FHIT: variants seen among roughly 807,000 people sequenced by gnomAD.
The protein encoded by FHIT is fragile histidine triad diadenosine triphosphatase, also known as bis(5'-adenosyl)-triphosphatase.
In FHIT, 19 loss-of-function variants were observed where a neutral mutation model predicts 17.9. The ratio of observed to expected loss-of-function variants is 1.06; its 90% CI spans 0.74 to 1.56. The LOEUF (loss-of-function observed/expected upper bound fraction) is 1.56, where lower values mean the gene tolerates loss of function less well. FHIT is among the 40% of genes most tolerant of loss of function. The probability of loss-of-function intolerance (pLI) is 0.00; values close to 1 mark genes in which losing one functional copy is unlikely to be tolerated. For missense variants in FHIT, 248 were observed against 189.2 expected, an observed-to-expected ratio of 1.31 and a Z score of -1.82; for synonymous variants, 81 against 69.7, an observed-to-expected ratio of 1.16 and a Z score of -0.81.
intron 3 of FHIT, among the ~76,000 whole-genome samples, chr3:60,896,707 C>T (rs1281529963): frequency 4.6e-5 from 7 of 152,156 alleles, no homozygotes. Flanking sequence ...TTCAAAATAA[C>T]TTGAATCAGT....
At chr3:61,064,939 C>G (rs9861400) in intron 2 of FHIT, among the ~76,000 whole-genome samples, 83,431 of 151,968 alleles carry the variant, frequency 0.55, 24,020 homozygotes, top group Non-Finnish European at 0.65. Flanking sequence ...ATCCAACATC[C>G]CAAGCTCATT....
At chr3:61,053,109 C>T (rs970569857) in intron 2 of FHIT, among the ~76,000 whole-genome samples, 4 of 152,126 alleles carry the variant, frequency 2.6e-5, no homozygotes, top group African/African-American at 9.7e-5. Flanking sequence ...GCCCCCGCCT[C>T]CCATCCACTG....
At chr3:60,078,504 T>C (rs908023108) in intron 5 of FHIT, among the ~76,000 whole-genome samples, 3 of 152,104 alleles carry the variant, frequency 2.0e-5, no homozygotes, top group African/African-American at 7.2e-5. Flanking sequence ...TGGGGAATTG[T>C]TTGAGATTAA....
At chr3:59,921,346 G>A (rs556154173) in intron 8 of FHIT, among the ~76,000 whole-genome samples, 2 of 152,272 alleles carry the variant, frequency 1.3e-5, no homozygotes, top group East Asian at 3.9e-4. Context: ...CTGGAAACAA[G>A]GTAGAGATAA....
intron 5 of FHIT, among the ~76,000 whole-genome samples, chr3:60,487,576 T>C (rs1417178585): frequency 6.6e-6 from 1 of 152,184 alleles, no homozygotes; most frequent in Non-Finnish European, 1.5e-5. Flanking sequence ...TACAGTTATG[T>C]ATACTTCAAC....
chr3:60,147,214 A>G (rs1700278095), intron 5 of FHIT, among the ~76,000 whole-genome samples: 1 of 152,202 alleles, frequency 6.6e-6, no homozygotes, highest in Non-Finnish European at 1.5e-5. Context: ...AAAGCTTTCC[A>G]AAACCTCTTT....
intron 7 of FHIT, among the ~76,000 whole-genome samples, chr3:60,008,932 G>C (rs1192242377): frequency 6.6e-6 from 1 of 152,088 alleles, no homozygotes; most frequent in Non-Finnish European, 1.5e-5. Flanking sequence ...TATCTATCAC[G>C]GGATGTGCTT....
At chr3:60,317,710 T>TC (rs1709228327) in intron 5 of FHIT, among the ~76,000 whole-genome samples, 2 of 149,706 alleles carry the variant, frequency 1.3e-5, no homozygotes, top group South Asian at 4.2e-4. Flanking sequence ...GGAGAGACTG[T>TC]CAAAGCTTCA....
Position 60,037,914 on chromosome 3 carries a change from G to T in FHIT, c.104-23762C>A, listed in dbSNP as rs182060956. On this transcript the variant is annotated intron_variant, in intron 5 of 9. Transcript: ENST00000492590. Reference sequence around the variant, plus strand: ...ATTTTAGTAGAGACAGGGTTTCATTGTATTGCCCAGGCTGGTCTTGAACTC... The same window carrying T: ...ATTTTAGTAGAGACAGGGTTTCATTTTATTGCCCAGGCTGGTCTTGAACTC... Among the ~76,000 whole-genome samples the T allele has an allele frequency of 2.6e-5, 4 of 151,908 alleles. No homozygotes were observed. The East Asian group carries it at 7.8e-4, about 30-fold the overall frequency.
chr3:60,173,909 A>T lies in FHIT; in HGVS notation c.104-159757T>A, dbSNP rs1323769939. Among the ~76,000 whole-genome samples, 373 of 69,754 alleles carry T rather than the reference A, an allele frequency of 5.3e-3. 21 individuals are homozygous for T. The highest frequency in any genetic ancestry group is 0.024 in the East Asian group (28 of 1,144). The allele number at this position is 69,754 out of a possible 152,430, so 45.8% of individuals were successfully genotyped here. A position where few individuals can be genotyped will look rare whatever the true frequency, so the allele number is the denominator to read the frequency against. ...AATATATATATATATATATATATATATATATATGTTTTTTTTTTTTTTTGA... is the reference window on the plus strand; with the variant it reads ...AATATATATATATATATATATATATTTATATATGTTTTTTTTTTTTTTTGA... On this transcript the variant is annotated intron_variant, in intron 5 of 9. Transcript: ENST00000492590.
chr3:60,479,392 T>A (rs2033501327), intron 5 of FHIT, among the ~76,000 whole-genome samples: 1 of 152,174 alleles, frequency 6.6e-6, no homozygotes, highest in Admixed American at 6.5e-5. Context: ...ATGCACCACG[T>A]AATGACATTT....
intron 5 of FHIT, among the ~76,000 whole-genome samples, chr3:60,074,886 C>G (rs533868673): frequency 6.6e-6 from 1 of 152,126 alleles, no homozygotes; most frequent in South Asian, 2.1e-4. Context: ...GGTTTAATTA[C>G]CAAGTGAATC....
chr3:60,660,046 C>G (rs1018596725), intron 4 of FHIT, among the ~76,000 whole-genome samples: 1 of 152,042 alleles, frequency 6.6e-6, no homozygotes, highest in African/African-American at 2.4e-5. Context: ...TAGGTATGAG[C>G]GGTGACTTTC....
At chr3:61,070,077 A>T (rs1004569975) in intron 2 of FHIT, among the ~76,000 whole-genome samples, 3 of 152,096 alleles carry the variant, frequency 2.0e-5, no homozygotes, top group African/African-American at 7.2e-5. Context: ...TATTTTTAGT[A>T]GAGACGGGGT....
At chr3:60,171,086 C>G (rs987264198) in intron 5 of FHIT, among the ~76,000 whole-genome samples, 5 of 152,152 alleles carry the variant, frequency 3.3e-5, no homozygotes, top group African/African-American at 1.2e-4. Context: ...CCTCCATTTC[C>G]TATTACCACA....
At chr3:59,853,873 T>C (rs1372564093) in intron 8 of FHIT, among the ~76,000 whole-genome samples, 1 of 152,150 alleles carries the variant, frequency 6.6e-6, no homozygotes, top group African/African-American at 2.4e-5. Flanking sequence ...CATGAAGACT[T>C]AGCAGTTAAA....
At position 60,173,915 on chromosome 3, in the gene FHIT, A is replaced by ATATATATTTTTTTTTT; in HGVS notation, c.104-159764_104-159763insAAAAAAAAAATATATA. 2.0e-4 allele frequency among the ~76,000 whole-genome samples: 13 copies of ATATATATTTTTTTTTT among 66,420 alleles called. 1 individual carries two copies. Among genetic ancestry groups the ATATATATTTTTTTTTT allele is most frequent in the Admixed American group, 4.2e-4 (2 of 4,714 alleles). The allele number at this position is 66,420 out of a possible 152,430, so 43.6% of individuals were successfully genotyped here. On this transcript the variant is annotated intron_variant, in intron 5 of 9. Coordinates refer to ENST00000492590, the MANE Select transcript of FHIT (RefSeq NM_002012.4). The stretch of plus-strand genomic sequence containing the variant: ...TATATATATATATATATATATATAT[A>ATATATATTTTTTTTTT]TGTTTTTTTTTTTTTTTGAGATCGA...
intron 5 of FHIT, among the ~76,000 whole-genome samples, chr3:60,080,417 T>C (rs1019758826): frequency 2.6e-5 from 4 of 152,096 alleles, no homozygotes; most frequent in African/African-American, 9.7e-5. Flanking sequence ...AGTCCCAGTT[T>C]CAAGTAAATA....
intron 5 of FHIT, among the ~76,000 whole-genome samples, chr3:60,187,230 A>G (rs537529794): frequency 6.6e-6 from 1 of 152,278 alleles, no homozygotes; most frequent in African/African-American, 2.4e-5. Context: ...AAACCCCCTA[A>G]TGTCAAACTG....
Sources: allele counts gnomAD v4.1 joint callset (sites outside exome capture counted in the v4.1 genomes callset), GRCh38; gene constraint gnomAD v4.1.1; transcripts MANE v1.5; gene names NCBI Gene and HGNC (gene_info 2026-07-23, HGNC 2026-07-21).